Variants in RBFOX1 observed in about 807,000 individuals in gnomAD.
RBFOX1 encodes RNA binding fox-1 homolog 1.
In RBFOX1, 8 loss-of-function variants were observed where a neutral mutation model predicts 57.7. The observed-to-expected ratio is 0.14, with a 90% CI of 0.08 to 0.25. The LOEUF (loss-of-function observed/expected upper bound fraction) is 0.25. Ranked by LOEUF, RBFOX1 falls within the 10% of genes least tolerant of loss-of-function variation. The pLI is 1.00. For missense variants in RBFOX1, 611 were observed against 548.5 expected, an observed-to-expected ratio of 1.11 and a Z score of -1.14; for synonymous variants, 326 against 222.4, an observed-to-expected ratio of 1.47 and a Z score of -4.15.
In RBFOX1 at chr16:5,855,406, G is replaced by A. The variant is rs1262766084; in HGVS notation, c.319-11897G>A. On this transcript the variant is annotated intron_variant, in intron 3 of 19. Transcript: ENST00000641259. The stretch of plus-strand genomic sequence containing the variant: ...TTTTGAGTAGGTTATTGTATATAGT[G>A]TGAAATAAGGATTCAATTATATTCT... Among the ~76,000 whole-genome samples, 3 of 152,144 alleles carry A rather than the reference G, an allele frequency of 2.0e-5. No individual in the cohort carries two copies. The East Asian group carries it at 5.8e-4, about 29-fold the overall frequency.
intron 1 of RBFOX1, among the ~76,000 whole-genome samples, chr16:6,266,211 A>G (rs1013332990): frequency 2.6e-5 from 4 of 152,184 alleles, no homozygotes; most frequent in Non-Finnish European, 5.9e-5. Flanking sequence ...AGAAGATGAC[A>G]TGTAGCAAAG....
At chr16:7,195,705 A>G (rs1486573549) in intron 4 of RBFOX1, among the ~76,000 whole-genome samples, 1 of 152,070 alleles carries the variant, frequency 6.6e-6, no homozygotes, top group Non-Finnish European at 1.5e-5. Flanking sequence ...GGCCTGCACC[A>G]CCACACTTGG....
At chr16:6,384,367 G>T (rs1264813697) in intron 2 of RBFOX1, among the ~76,000 whole-genome samples, 1 of 151,976 alleles carries the variant, frequency 6.6e-6, no homozygotes, top group Non-Finnish European at 1.5e-5. Flanking sequence ...ATTTTTCCCT[G>T]CCCCCTGTTT....
intron 4 of RBFOX1, among the ~76,000 whole-genome samples, chr16:7,486,253 G>A (rs775039535): frequency 1.3e-5 from 2 of 150,498 alleles, no homozygotes; most frequent in Non-Finnish European, 1.5e-5. Context: ...CTCCTGAGTA[G>A]CTGGCATTAC....
intron 3 of RBFOX1, among the ~76,000 whole-genome samples, chr16:6,754,361 A>C (rs1450841505): frequency 5.9e-5 from 9 of 152,204 alleles, no homozygotes; most frequent in South Asian, 2.1e-4. Flanking sequence ...AATTTCACCT[A>C]AATTGGAATT....
chr16:7,203,391 A>C (rs930513056), intron 4 of RBFOX1, among the ~76,000 whole-genome samples: 1 of 152,214 alleles, frequency 6.6e-6, no homozygotes. Flanking sequence ...GGTAGGGGAA[A>C]GGACAGTTAT....
intron 3 of RBFOX1, among the ~76,000 whole-genome samples, chr16:5,628,626 C>A (rs532051015): frequency 6.0e-4 from 91 of 152,260 alleles, no homozygotes; most frequent in Admixed American, 2.1e-3. Context: ...AGCGAAGATA[C>A]CCCAAGAACC....
At chr16:5,653,472 G>A (rs2049317246) in intron 3 of RBFOX1, among the ~76,000 whole-genome samples, 1 of 130,464 alleles carries the variant, frequency 7.7e-6, no homozygotes, top group Admixed American at 8.1e-5. Context: ...CGGAAGGTGG[G>A]GTGCTGAGCC....
chr16:7,110,676 T>TA lies in RBFOX1; in HGVS notation c.27+58581dup, dbSNP rs569862497. Among the ~76,000 whole-genome samples the TA allele has an allele frequency of 4.6e-5, 7 of 152,230 alleles. No homozygotes were observed. The East Asian group carries it at 1.4e-3, about 29-fold the overall frequency. ...CTAAACCATATTCATTCACCATAGT[T>TA]AAATGAGGCAGGAGTCAACAAAATA... On this transcript the variant is annotated intron_variant, in intron 4 of 15. Transcript: ENST00000550418.
At chr16:6,032,227 C>T (rs1163377466) in intron 1 of RBFOX1, among the ~76,000 whole-genome samples, 1 of 152,000 alleles carries the variant, frequency 6.6e-6, no homozygotes, top group East Asian at 1.9e-4. Context: ...CTGTATTTTC[C>T]TCGTTCTCGC....
At chr16:5,694,487 C>G (rs1220858588) in intron 3 of RBFOX1, among the ~76,000 whole-genome samples, 1 of 152,130 alleles carries the variant, frequency 6.6e-6, no homozygotes, top group Admixed American at 6.5e-5. Context: ...GTAGGCATTT[C>G]TGGGGTGATT....
chr16:5,554,269 C>A (rs974207094), intron 2 of RBFOX1, among the ~76,000 whole-genome samples: 7 of 151,980 alleles, frequency 4.6e-5, no homozygotes, highest in African/African-American at 1.7e-4. Context: ...CAATGCCTGG[C>A]CTTTTTCTAT....
intron 2 of RBFOX1, among the ~76,000 whole-genome samples, chr16:6,317,292 A>T (rs933373950): frequency 3.9e-5 from 6 of 152,146 alleles, no homozygotes; most frequent in Non-Finnish European, 8.8e-5. Flanking sequence ...GAGGTTATCA[A>T]TGAGTTAACT....
At chr16:5,255,354 CTCCATCCA>C (rs750177791) in intron 1 of RBFOX1, among the ~76,000 whole-genome samples, 4 of 86,330 alleles carry the variant, frequency 4.6e-5, no homozygotes, top group Admixed American at 1.3e-4. Context: ...CCATCCATCC[CTCCATCCA>C]TCCATCCATC....
intron 3 of RBFOX1, among the ~76,000 whole-genome samples, chr16:5,784,283 T>C (rs1024895126): frequency 4.6e-5 from 7 of 152,018 alleles, no homozygotes; most frequent in African/African-American, 1.4e-4. Context: ...CAAAATTAGC[T>C]GGGCGTGGTG....
intron 2 of RBFOX1, among the ~76,000 whole-genome samples, chr16:6,403,808 C>T (rs1269379708): frequency 6.6e-6 from 1 of 152,032 alleles, no homozygotes; most frequent in African/African-American, 2.4e-5. Context: ...GAAACCCTAC[C>T]CCTGAGAATT....
chr16:6,576,203 T>G (rs2097433206), intron 2 of RBFOX1, among the ~76,000 whole-genome samples: 1 of 152,152 alleles, frequency 6.6e-6, no homozygotes, highest in Non-Finnish European at 1.5e-5. Flanking sequence ...GTTCAGGCTT[T>G]CGAGTGGGTG....
rs540281354 is a variant in RBFOX1 at position 7,194,625 on chromosome 16, A to G, written c.27+142527A>G. On this transcript the variant is annotated intron_variant, in intron 4 of 15. Transcript: ENST00000550418. ...TCCCAGAAACACTTCGTTTTATTACATTTAGAAAGTGGTGAATTTAGCCCA... is the reference window on the plus strand; with the variant it reads ...TCCCAGAAACACTTCGTTTTATTACGTTTAGAAAGTGGTGAATTTAGCCCA... Among the ~76,000 whole-genome samples the G allele has an allele frequency of 5.9e-5, 9 of 152,268 alleles. No individual in the cohort carries two copies. The East Asian group carries it at 1.7e-3, about 29-fold the overall frequency.
At chr16:7,133,981 G>C (rs2064446010) in intron 4 of RBFOX1, among the ~76,000 whole-genome samples, 1 of 152,276 alleles carries the variant, frequency 6.6e-6, no homozygotes, top group Non-Finnish European at 1.5e-5. Context: ...TAGGCTCTGC[G>C]GCATTCAATT....
Sources: gnomAD v4.1 joint callset for allele counts (sites outside exome capture counted in the v4.1 genomes callset) on GRCh38, gnomAD v4.1.1 for gene constraint, MANE v1.5 for transcripts, NCBI Gene and HGNC (gene_info 2026-07-23, HGNC 2026-07-21) for gene names.